MAP3K13: variants seen among roughly 807,000 people sequenced by gnomAD.
MAP3K13 encodes mitogen-activated protein kinase kinase kinase 13, also known as leucine zipper-bearing kinase.
A neutral mutation model predicts 104.0 loss-of-function variants in MAP3K13; 52 were observed. That is an observed-to-expected ratio of 0.50 (90% confidence interval 0.40 to 0.63). MAP3K13 has a LOEUF of 0.63. MAP3K13 is among the 20% of genes least tolerant of loss of function. The pLI, the probability that MAP3K13 is intolerant of heterozygous loss-of-function variation, is 0.00. For synonymous variants in MAP3K13, 394 were observed against 442.2 expected (o/e 0.89, Z 1.37); for missense variants, 914 against 1,218.5 (o/e 0.75, Z 3.72).
intron 1 of MAP3K13, among the ~76,000 whole-genome samples, chr3:185,372,948 C>T (rs1255000334): frequency 6.6e-6 from 1 of 152,180 alleles, no homozygotes; most frequent in African/African-American, 2.4e-5. Flanking sequence ...TAAAGCTTCA[C>T]CAAGCTCATG....
intron 1 of MAP3K13, among the ~76,000 whole-genome samples, chr3:185,391,126 A>G (rs1361318879): frequency 6.6e-6 from 1 of 152,162 alleles, no homozygotes; most frequent in Non-Finnish European, 1.5e-5. Context: ...GGCATTAAGT[A>G]CATTGATGTT....
chr3:185,455,264 G>GATATATATGAGATATATATA (rs1716435296), intron 7 of MAP3K13, among the ~76,000 whole-genome samples: 1 of 25,644 alleles, frequency 3.9e-5, no homozygotes, highest in Non-Finnish European at 1.4e-4. Flanking sequence ...TGAGATATAT[G>GATATATATGAGATATATATA]AGATATATAT....
chr3:185,416,200 G>A (rs572236820), intron 1 of MAP3K13, among the ~76,000 whole-genome samples: 2 of 151,916 alleles, frequency 1.3e-5, no homozygotes, highest in African/African-American at 4.8e-5. Flanking sequence ...ATATCAACCC[G>A]TTCCCCTCTT....
chr3:185,316,849 G>A (rs1721696228), intron 2 of MAP3K13, among the ~76,000 whole-genome samples: 1 of 152,110 alleles, frequency 6.6e-6, no homozygotes, highest in Admixed American at 6.6e-5. Context: ...GAGACGATAG[G>A]GATAGGAAAC....
intron 2 of MAP3K13, among the ~76,000 whole-genome samples, chr3:185,290,957 C>G (rs1382865266): frequency 3.9e-5 from 6 of 152,172 alleles, no homozygotes; most frequent in Admixed American, 3.3e-4. Context: ...CCCTGAGGGA[C>G]AGAGGCCTCT....
At chr3:185,421,502 T>C (rs1252334682) in intron 1 of MAP3K13, among the ~76,000 whole-genome samples, 4 of 152,186 alleles carry the variant, frequency 2.6e-5, no homozygotes, top group Non-Finnish European at 5.9e-5. Flanking sequence ...CTGGCTCCCA[T>C]AGTACTTTCT....
chr3:185,361,362 T>C (rs1331236816), upstream of MAP3K13, among the ~76,000 whole-genome samples: 1 of 151,610 alleles, frequency 6.6e-6, no homozygotes, highest in East Asian at 1.9e-4. Flanking sequence ...AATAGAGATG[T>C]ATATTCTTCA....
At chr3:185,294,760 A>T (rs1461923688) in intron 2 of MAP3K13, among the ~76,000 whole-genome samples, 1 of 152,222 alleles carries the variant, frequency 6.6e-6, no homozygotes, top group African/African-American at 2.4e-5. Context: ...CCATGTAGGA[A>T]GTAGGATCTA....
chr3:185,421,770 G>A (rs747003302), intron 1 of MAP3K13, among the ~76,000 whole-genome samples: 8 of 152,150 alleles, frequency 5.3e-5, no homozygotes, highest in East Asian at 1.9e-4. Flanking sequence ...CTGTGTTCCC[G>A]CAGTTTCCAC....
At chr3:185,425,202 A>G (rs1307644517) in intron 1 of MAP3K13, among the ~76,000 whole-genome samples, 25 of 152,220 alleles carry the variant, frequency 1.6e-4, no homozygotes. Flanking sequence ...AAAATCAGAT[A>G]GCATCAGTAA....
intron 12 of MAP3K13, 53 bp downstream of exon 12, chr3:185,477,449 C>T: frequency 7.4e-7 from 1 of 1,358,860 alleles, no homozygotes; most frequent in African/African-American, 1.4e-5. Context: ...GAAAAAAAAT[C>T]CTAAGTTTGC....
At chr3:185,412,065 T>C (rs1301475679) in intron 1 of MAP3K13, among the ~76,000 whole-genome samples, 1 of 152,206 alleles carries the variant, frequency 6.6e-6, no homozygotes, top group Non-Finnish European at 1.5e-5. Flanking sequence ...ACTACAGGTG[T>C]GAGCCACCAT....
intron 2 of MAP3K13, among the ~76,000 whole-genome samples, chr3:185,313,546 G>A (rs376286520): frequency 6.6e-6 from 1 of 152,040 alleles, no homozygotes; most frequent in East Asian, 1.9e-4. Context: ...TGGGATTACA[G>A]GCATGAGCCA....
intron 2 of MAP3K13, among the ~76,000 whole-genome samples, chr3:185,325,798 C>A (rs938671145): frequency 1.3e-5 from 2 of 152,196 alleles, no homozygotes; most frequent in African/African-American, 4.8e-5. Flanking sequence ...CCCACAGTTA[C>A]AGGGTCCCTG....
At chr3:185,410,891 C>T (rs575202287) in intron 1 of MAP3K13, among the ~76,000 whole-genome samples, 1 of 149,586 alleles carries the variant, frequency 6.7e-6, no homozygotes, top group Admixed American at 6.7e-5. Context: ...ACTAAGATCA[C>T]ACCGCTGCAC....
chr3:185,336,123 A>T (rs1405838382), intron 2 of MAP3K13, among the ~76,000 whole-genome samples: 1 of 152,204 alleles, frequency 6.6e-6, no homozygotes, highest in Non-Finnish European at 1.5e-5. Flanking sequence ...TAGGAGAGGA[A>T]CCAGAAGAGA....
At chr3:185,433,202 G>A (rs1714846689) in intron 2 of MAP3K13, among the ~76,000 whole-genome samples, 1 of 152,186 alleles carries the variant, frequency 6.6e-6, no homozygotes. Flanking sequence ...TCATGGCCAT[G>A]TCTGAATAAA....
intron 2 of MAP3K13, among the ~76,000 whole-genome samples, chr3:185,317,349 A>G (rs1721714576): frequency 6.6e-6 from 1 of 152,146 alleles, no homozygotes; most frequent in Admixed American, 6.5e-5. Flanking sequence ...GTTGCCTATG[A>G]CTGGAATGAT....
At chr3:185,386,883 C>T (rs542187127) in intron 1 of MAP3K13, among the ~76,000 whole-genome samples, 1 of 152,224 alleles carries the variant, frequency 6.6e-6, no homozygotes, top group South Asian at 2.1e-4. Flanking sequence ...GGGAACAACA[C>T]ATACTGAATC....
Sources: gnomAD v4.1 joint callset for allele counts (sites outside exome capture counted in the v4.1 genomes callset) on GRCh38, gnomAD v4.1.1 for gene constraint, MANE v1.5 for transcripts, NCBI Gene and HGNC (gene_info 2026-07-23, HGNC 2026-07-21) for gene names.